Variants in UTRN observed in about 807,000 individuals in gnomAD.
The protein encoded by UTRN is utrophin, also known as dystrophin-related protein 1.
In UTRN, 283 loss-of-function variants were observed where a neutral mutation model predicts 463.9. The observed-to-expected ratio is 0.61, with a 90% confidence interval of 0.55 to 0.67. The LOEUF (loss-of-function observed/expected upper bound fraction) is 0.67. Among genes scored for constraint, UTRN ranks in the 30% least tolerant of loss-of-function variants. The pLI is 0.00. For synonymous variants in UTRN, 1,442 were observed against 1,431.5 expected, an observed-to-expected ratio of 1.01 and a Z score of -0.17; for missense variants, 3,922 against 4,084.3, an observed-to-expected ratio of 0.96 and a Z score of 1.08.
At chr6:144,551,175 A>ACG in intron 48 of UTRN, 93 bp downstream of exon 48, 2 of 731,546 alleles carry the variant, frequency 2.7e-6, no homozygotes, top group South Asian at 2.6e-5. Flanking sequence ...ACACAAACAC[A>ACG]TTTTCAAAGA....
At chr6:144,403,308 G>C in intron 3 of UTRN, 124 bp downstream of exon 3, 1 of 785,582 alleles carries the variant, frequency 1.3e-6, no homozygotes, top group Non-Finnish European at 2.2e-6. Flanking sequence ...TGAGTATGCA[G>C]ATACATTTGT....
chr6:144,682,958 T>C (rs2128686573), intron 52 of UTRN, among the ~76,000 whole-genome samples: 1 of 152,282 alleles, frequency 6.6e-6, no homozygotes, highest in Admixed American at 6.5e-5. Flanking sequence ...TATGTTTTTC[T>C]CTCGGTCGGT....
At chr6:144,586,082 G>A (rs765350286) in intron 51 of UTRN, among the ~76,000 whole-genome samples, 2 of 151,844 alleles carry the variant, frequency 1.3e-5, no homozygotes, top group African/African-American at 2.4e-5. Context: ...TCCCTCTGTG[G>A]CAGCTCGTCT....
At chr6:144,714,034 T>G (rs1447861077) in intron 53 of UTRN, among the ~76,000 whole-genome samples, 4 of 152,220 alleles carry the variant, frequency 2.6e-5, no homozygotes, top group Non-Finnish European at 5.9e-5. Context: ...CAGGCATTAT[T>G]TTTTATGTCA....
chr6:144,781,949 A>C lies in UTRN; in HGVS notation c.8660A>C (p.Asn2887Thr). ...CLDLLELSTT[N>T]EIFKQHKLNQ... ...GATCTCTTAGAGTTGAGTACAACAAATGAAATTTTCAAACAGCACAAGTTG... is the reference window on the plus strand; with the variant it reads ...GATCTCTTAGAGTTGAGTACAACAACTGAAATTTTCAAACAGCACAAGTTG... The change falls in exon 61 of 75, where the codon AAT (asparagine) becomes ACT (threonine). Residue 2887 changes from asparagine (N) to threonine (T), a missense_variant. By Grantham distance (65) the Asn-to-Thr change is moderately conservative. This residue lies in a region of UTRN where 1,309 missense variants were observed against 1,452.6 expected (regional missense o/e 0.90). Coordinates refer to ENST00000367545, the MANE Select transcript of UTRN (RefSeq NM_007124.3). 1 of 1,614,022 alleles carries C rather than the reference A, an allele frequency of 6.2e-7. No individual in the cohort carries two copies. Among genetic ancestry groups the C allele is most frequent in the Non-Finnish European group, 8.5e-7 (1 of 1,179,954 alleles).
rs903919235 is a variant in UTRN at position 144,438,846 on chromosome 6, C to G, written c.1343C>G (p.Pro448Arg). 7 of 1,614,094 alleles carry G rather than the reference C, an allele frequency of 4.3e-6. No homozygotes were observed. The East Asian group carries it at 6.7e-5, about 15-fold the overall frequency. ...EERIQKMETC[P>R]LDDDVKSLQK... ...CGCATTCAGAAGATGGAAACTTGCC[C>G]CCTGGATGATGATGTAAAATCTCTA... Residue 448 changes from proline (P) to arginine (R), a missense_variant, in exon 12 of 75, where the codon CCC (proline) becomes CGC (arginine). Coordinates refer to ENST00000367545, the MANE Select transcript of UTRN (RefSeq NM_007124.3).
chr6:144,448,445 G>A (rs772292187), intron 16 of UTRN, among the ~76,000 whole-genome samples, 155 bp from the exon 17 acceptor site: 4 of 152,154 alleles, frequency 2.6e-5, no homozygotes, highest in Non-Finnish European at 5.9e-5. Context: ...GTGATAAAAT[G>A]TTCTGGAGAC....
chr6:144,777,226 CT>C (rs1219545710), intron 60 of UTRN, among the ~76,000 whole-genome samples: 1 of 152,064 alleles, frequency 6.6e-6, no homozygotes, highest in Non-Finnish European at 1.5e-5. Flanking sequence ...TATAGCAGTA[CT>C]TTTCATAGTA....
intron 27 of UTRN, among the ~76,000 whole-genome samples, chr6:144,484,435 T>G (rs1162000869): frequency 7.8e-6 from 1 of 128,902 alleles, no homozygotes; most frequent in East Asian, 2.1e-4. Context: ...AACCAAACTT[T>G]TTTTTTTTTT....
chr6:144,524,393 A>T (rs931660671), intron 41 of UTRN, among the ~76,000 whole-genome samples: 1 of 152,090 alleles, frequency 6.6e-6, no homozygotes, highest in Non-Finnish European at 1.5e-5. Context: ...TTGTAAAAAT[A>T]TCCTTCTTTT....
chr6:144,686,210 A>G (rs141886444), intron 52 of UTRN, among the ~76,000 whole-genome samples: 10 of 152,216 alleles, frequency 6.6e-5, no homozygotes, highest in Admixed American at 3.9e-4. Flanking sequence ...GGTTGTAAGT[A>G]TTTGGCTGTA....
intron 3 of UTRN, among the ~76,000 whole-genome samples, chr6:144,407,568 C>T (rs932388544): frequency 7.9e-5 from 12 of 152,120 alleles, no homozygotes; most frequent in African/African-American, 1.2e-4. Flanking sequence ...TTTATTTACC[C>T]AATACAATTC....
chr6:144,393,046 TCCATTCATC>T (rs1782082666), intron 2 of UTRN, among the ~76,000 whole-genome samples: 1 of 145,578 alleles, frequency 6.9e-6, no homozygotes, highest in Admixed American at 6.8e-5. Context: ...CATCCATCCA[TCCATTCATC>T]CATCCATCCA....
At chr6:144,780,726 T>C (rs1775755673) in intron 60 of UTRN, among the ~76,000 whole-genome samples, 1 of 152,240 alleles carries the variant, frequency 6.6e-6, no homozygotes, top group East Asian at 1.9e-4. Flanking sequence ...AGTGTGTGCC[T>C]GGACCATGCA....
chr6:144,285,594 G>A lies in UTRN; in HGVS notation c.-320G>A, dbSNP rs1803593919. 6.6e-6 allele frequency: 1 copy of A among 152,252 alleles called. No individual in the cohort carries two copies. The highest frequency in any genetic ancestry group is 1.5e-5 in the Non-Finnish European group (1 of 68,056). 9.4% of individuals were successfully genotyped at this position (152,252 alleles called of 1,614,324 possible). On this transcript the variant is annotated 5_prime_UTR_variant, in exon 1 of 75. Coordinates refer to ENST00000367545, the MANE Select transcript of UTRN (RefSeq NM_007124.3). ...CAGGCAGGAAGATTGCACAAGTAAG[G>A]GGCGTTTTCAGTCGGGTGTCAATTT...
intron 2 of UTRN, among the ~76,000 whole-genome samples, chr6:144,297,939 T>G (rs1181694915): frequency 6.6e-6 from 1 of 152,204 alleles, no homozygotes; most frequent in African/African-American, 2.4e-5. Flanking sequence ...GAACTCAATT[T>G]TATTGAACCT....
chr6:144,590,874 ACG>A (rs1491177855), intron 51 of UTRN, among the ~76,000 whole-genome samples: 6 of 115,282 alleles, frequency 5.2e-5, no homozygotes, highest in East Asian at 2.2e-4. Context: ...ACACACACAC[ACG>A]CACATGCACA....
At chr6:144,389,254 C>A (rs1781690589) in intron 2 of UTRN, among the ~76,000 whole-genome samples, 1 of 152,262 alleles carries the variant, frequency 6.6e-6, no homozygotes, top group African/African-American at 2.4e-5. Flanking sequence ...CCGAAGGAGG[C>A]AATCAGATAT....
At chr6:144,814,097 C>G (rs1158297746) in intron 65 of UTRN, among the ~76,000 whole-genome samples, 1 of 152,136 alleles carries the variant, frequency 6.6e-6, no homozygotes, top group Non-Finnish European at 1.5e-5. Context: ...TTTATGTCCC[C>G]CAAAAATTCA....
Sources: gnomAD v4.1 joint callset for allele counts (sites outside exome capture counted in the v4.1 genomes callset) on GRCh38, gnomAD v4.1.1 for gene constraint, gnomAD v4.1.1 regional missense constraint, MANE v1.5 for transcripts, NCBI Gene and HGNC (gene_info 2026-07-23, HGNC 2026-07-21) for gene names.